FGD1: variants seen among roughly 807,000 people sequenced by gnomAD.
The protein encoded by FGD1 is FYVE, RhoGEF and PH domain-containing protein 1.
Under a neutral mutation model 65.0 loss-of-function variants are expected in FGD1, and 12 were observed. That is an observed-to-expected ratio of 0.18 (90% CI 0.12 to 0.30). The LOEUF (loss-of-function observed/expected upper bound fraction) is 0.30, where lower values mean the gene tolerates loss of function less well. Ranked by LOEUF, FGD1 falls within the 10% of genes least tolerant of loss-of-function variation. The pLI is 1.00. For missense variants in FGD1, 542 were observed against 837.6 expected (o/e 0.65, Z 4.36); for synonymous variants, 333 against 343.9 (o/e 0.97, Z 0.35).
rs1468817513 is a variant in FGD1, at chrX:54,446,210, G to A, written c.2785C>T (p.Pro929Ser). 4 of 1,211,380 alleles carry A rather than the reference G, an allele frequency of 3.3e-6. No individual in the cohort carries two copies. Among genetic ancestry groups the A allele is most frequent in the African/African-American group, 3.5e-5 (2 of 57,902 alleles). Residue 929 changes from proline to serine, a missense_variant, in exon 18 of 18, where the codon CCC (proline) becomes TCC (serine). By Grantham distance (74) the Pro-to-Ser change is moderately conservative (BLOSUM62 -1). Coordinates refer to ENST00000375135, the MANE Select transcript of FGD1 (RefSeq NM_004463.3). Reference sequence around the variant, plus strand: ...ATCTCCCTGTCCTCAGACAGTGTGGGCCCCGGGCAGAACGTGTCCCCTCGG... The same window carrying A: ...ATCTCCCTGTCCTCAGACAGTGTGGACCCCGGGCAGAACGTGTCCCCTCGG... ...AGRGDTFCPG[P>S]TLSEDREMEE...
chrX:54,451,680 A>G (rs1308823107), intron 12 of FGD1, among the ~76,000 whole-genome samples: 1 of 106,815 alleles, frequency 9.4e-6, no homozygotes, highest in African/African-American at 3.4e-5. Context: ...AGGCGGCTGG[A>G]TCACCTGAGG....
At chrX:54,451,396 T>TA (rs1415365363) in intron 12 of FGD1, among the ~76,000 whole-genome samples, 2 of 108,466 alleles carry the variant, frequency 1.8e-5, no homozygotes, top group Non-Finnish European at 3.8e-5. Context: ...GCCATTCTCC[T>TA]ACCTCAGCCT....
intron 12 of FGD1, among the ~76,000 whole-genome samples, chrX:54,455,222 T>C (rs1922469933): frequency 8.9e-6 from 1 of 112,407 alleles, no homozygotes; most frequent in South Asian, 3.6e-4. Flanking sequence ...TCCAAAAGGT[T>C]TCCCTGGCAG....
chrX:54,464,127 CTTT>C (rs1195226924), intron 8 of FGD1, among the ~76,000 whole-genome samples: 1 of 50,565 alleles, frequency 2.0e-5, no homozygotes, highest in African/African-American at 9.8e-5. Context: ...ACGCCCAGCT[CTTT>C]TTTTTTTTTT....
At chrX:54,461,355 C>A (rs1922624564) in intron 8 of FGD1, among the ~76,000 whole-genome samples, 1 of 109,386 alleles carries the variant, frequency 9.1e-6, no homozygotes, top group African/African-American at 3.3e-5. Flanking sequence ...GTAATCCCAG[C>A]ACTTTTGGAA....
chrX:54,456,101 CT>C (rs1922496852), intron 10 of FGD1, 118 bp downstream of exon 10: 11 of 850,758 alleles, frequency 1.3e-5, no homozygotes, highest in South Asian at 4.8e-5. Context: ...GTCTGTTTTT[CT>C]TTTTTTTCCT....
intron 12 of FGD1, among the ~76,000 whole-genome samples, chrX:54,455,057 G>A (rs1922466096): frequency 8.9e-6 from 1 of 112,365 alleles, no homozygotes. Context: ...ACCAAGTACT[G>A]CATTTGATTG....
chrX:54,446,721 C>CTTTTT (rs1226487472), intron 17 of FGD1, among the ~76,000 whole-genome samples: 1 of 87,673 alleles, frequency 1.1e-5, no homozygotes, highest in African/African-American at 4.3e-5. Context: ...TATCTGCATA[C>CTTTTT]TTTTTTTTTT....
rs1314023056 is a variant in FGD1 at position 54,465,442 on chromosome X, C to T, written c.1636+9G>A. 1 of 1,204,939 alleles carries T rather than the reference C, an allele frequency of 8.3e-7. No individual in the cohort carries two copies. Among genetic ancestry groups the T allele is most frequent in the African/African-American group, 1.7e-5 (1 of 57,562 alleles). ...AGAAGTAGGAAGGGGCCTGGGTGCA[C>T]ACACTCACTTTGGGCATCCTTGCTG... On this transcript the variant is annotated intron_variant, in intron 8 of 17. Transcript: ENST00000375135.
chrX:54,456,547 TG>T lies in FGD1; in HGVS notation c.1656del (p.Thr553GlnfsTer20). The T allele has an allele frequency of 8.3e-7, 1 of 1,210,317 alleles. No homozygotes were observed. The highest frequency in any genetic ancestry group is 1.1e-6 in the Non-Finnish European group (1 of 894,823). ...GCAGCATTCGAGTGCTCTGCTGCTGTGGCGATCAGCTCCAGAGACTCTACAG... is the reference window on the plus strand; with the variant it reads ...GCAGCATTCGAGTGCTCTGCTGCTGTGCGATCAGCTCCAGAGACTCTACAG... ...KDAQKSLELI[A>X]TAAEHSNAAI... On this transcript the variant is annotated frameshift_variant, in exon 9 of 18. Coordinates refer to ENST00000375135, the MANE Select transcript of FGD1 (RefSeq NM_004463.3). LOFTEE classifies it high-confidence loss of function.
intron 1 of FGD1, among the ~76,000 whole-genome samples, chrX:54,480,567 C>T (rs1923121230): frequency 9.0e-6 from 1 of 111,210 alleles, no homozygotes; most frequent in African/African-American, 3.3e-5. Flanking sequence ...AGCTTCTCCC[C>T]TCCACCCAGG....
rs1179793891 is a variant in FGD1, at chrX:54,447,460, G to A, written c.2437-6C>T. On this transcript the variant is annotated splice_polypyrimidine_tract_variant and splice_region_variant and intron_variant, in intron 16 of 17. Coordinates refer to ENST00000375135, the MANE Select transcript of FGD1 (RefSeq NM_004463.3). ...GCAGCCACTGAGGCCTGTTTCTGTG[G>A]CCAGAGACACCGGGCATCAATGTTG... 1.7e-6 allele frequency: 2 copies of A among 1,208,260 alleles called. No individual in the cohort carries two copies. The highest frequency in any genetic ancestry group is 2.2e-5 in the Admixed American group (1 of 45,802).
At position 54,448,939 on chromosome X, in the gene FGD1, C is replaced by G. The variant is rs754931200; in HGVS notation, c.2303G>C (p.Arg768Pro). ...HVVCGKCSEFRARLVYDNNRS... is the reference protein window; with the variant it reads ...HVVCGKCSEFPARLVYDNNRS... The stretch of plus-strand genomic sequence containing the variant: ...GTTGTTGTCATAGACGAGGCGGGCC[C>G]GGAACTCGGAGCACTTCCCACAAAC... Residue 768 changes from arginine (R) to proline (P), a missense_variant, in exon 16 of 18, where the codon CGG becomes CCG. Arg to Pro is a moderately radical substitution (Grantham distance 103). This residue lies in a region of FGD1 where 182 missense variants were observed against 311.4 expected (regional missense o/e 0.58). Transcript: ENST00000375135. The G allele has an allele frequency of 8.3e-7, 1 of 1,210,068 alleles. No individual in the cohort carries two copies. Among genetic ancestry groups the G allele is most frequent in the East Asian group, 3.0e-5 (1 of 33,792 alleles).
chrX:54,451,633 C>T (rs1248827394), intron 12 of FGD1, among the ~76,000 whole-genome samples: 2 of 106,857 alleles, frequency 1.9e-5, no homozygotes, highest in African/African-American at 6.8e-5. Context: ...CCAGGTGCAG[C>T]GGCTCATGCC....
chrX:54,482,234 G>GCACACACACACACACA (rs1287986195), intron 1 of FGD1, among the ~76,000 whole-genome samples: 2 of 70,250 alleles, frequency 2.8e-5, no homozygotes, highest in Non-Finnish European at 4.5e-5. Flanking sequence ...GCGCACACGC[G>GCACACACACACACACA]CGCACACACA....
intron 14 of FGD1, among the ~76,000 whole-genome samples, 194 bp downstream of exon 14, chrX:54,449,465 A>G (rs1033321452): frequency 3.6e-5 from 4 of 111,512 alleles, no homozygotes; most frequent in Non-Finnish European, 5.7e-5. Flanking sequence ...AGTCACTTCT[A>G]TTATACTTTC....
Position 54,473,526 on chromosome X carries a change from C to A in FGD1, c.308-2039G>T, listed in dbSNP as rs558543121. Among the ~76,000 whole-genome samples the A allele has an allele frequency of 2.7e-5, 3 of 112,014 alleles. No individual in the cohort carries two copies. In the South Asian group the frequency reaches 1.1e-3, roughly 41 times the overall value. On this transcript the variant is annotated intron_variant, in intron 1 of 17. Coordinates refer to ENST00000375135, the MANE Select transcript of FGD1 (RefSeq NM_004463.3). ...TCCACATTCATGGGTTTTGCATCCT[C>A]GGCCTCTGCATGGAGGCTGATTGAT...
rs1429011478 is a variant in FGD1, at chrX:54,468,908, T to C, written c.1102-32A>G. The C allele has an allele frequency of 7.6e-6, 8 of 1,052,338 alleles. No individual in the cohort carries two copies. The Middle Eastern group carries it at 1.0e-3, about 131-fold the overall frequency. The allele number at this position is 1,052,338 out of a possible 1,213,427, so 86.7% of individuals were successfully genotyped here. A position where few individuals can be genotyped will look rare whatever the true frequency, so the allele number is the denominator to read the frequency against. ...AGGAGAAACAGTAACCCCTGATCCA[T>C]CATCCTCTATCGTAACCCTCACCCA... On this transcript the variant is annotated intron_variant, in intron 4 of 17. Coordinates refer to ENST00000375135, the MANE Select transcript of FGD1 (RefSeq NM_004463.3).
chrX:54,468,695 C>T (rs183909108), intron 5 of FGD1, 92 bp downstream of exon 5: 7 of 608,944 alleles, frequency 1.1e-5, no homozygotes, highest in Middle Eastern at 3.4e-4. Flanking sequence ...ATTCTGGCCA[C>T]AATGGTGGGA....
Sources: allele counts gnomAD v4.1 joint callset (sites outside exome capture counted in the v4.1 genomes callset), GRCh38; gene constraint gnomAD v4.1.1; regional missense constraint gnomAD v4.1.1; transcripts MANE v1.5; gene names NCBI Gene and HGNC (gene_info 2026-07-23, HGNC 2026-07-21).